NPAS2: variants seen among roughly 807,000 people sequenced by gnomAD.
NPAS2 encodes the protein neuronal PAS domain protein 2.
Under a neutral mutation model 107.5 loss-of-function variants are expected in NPAS2, and 23 were observed. The observed-to-expected ratio is 0.21, with a 90% CI of 0.15 to 0.30. The LOEUF is 0.30. Ranked by LOEUF, NPAS2 falls within the 10% of genes least tolerant of loss-of-function variation. NPAS2 has a pLI of 1.00. For synonymous variants in NPAS2, 403 were observed against 417.5 expected (o/e 0.97, Z 0.42); for missense variants, 756 against 1,043.3 (o/e 0.72, Z 3.79).
At chr2:100,837,013 C>T (rs1182588162) in intron 1 of NPAS2, among the ~76,000 whole-genome samples, 1 of 152,126 alleles carries the variant, frequency 6.6e-6, no homozygotes, top group Admixed American at 6.6e-5. Flanking sequence ...GGTGGCCACA[C>T]TCACATTGCT....
intron 1 of NPAS2, among the ~76,000 whole-genome samples, chr2:100,842,109 A>ACACACACACACACACACT (rs1558798546): frequency 6.6e-6 from 1 of 151,118 alleles, no homozygotes; most frequent in South Asian, 2.1e-4. Context: ...ACACACACAC[A>ACACACACACACACACACT]CTTAAGCCCC....
intron 2 of NPAS2, among the ~76,000 whole-genome samples, chr2:100,917,158 G>T (rs1682933941): frequency 6.6e-6 from 1 of 152,110 alleles, no homozygotes; most frequent in African/African-American, 2.4e-5. Flanking sequence ...ATGGAAATTA[G>T]ATATAAACAC....
chr2:100,935,120 C>T (rs986083981), intron 4 of NPAS2: 4 of 982,874 alleles, frequency 4.1e-6, no homozygotes, highest in Non-Finnish European at 4.8e-6. Flanking sequence ...TGGCTGCAGA[C>T]CAGCCAAGCT....
chr2:100,842,006 A>C (rs1325316133), intron 1 of NPAS2, among the ~76,000 whole-genome samples: 1 of 152,180 alleles, frequency 6.6e-6, no homozygotes, highest in Non-Finnish European at 1.5e-5. Flanking sequence ...CACACAGTAC[A>C]CATATACACA....
At chr2:100,879,702 T>C (rs1680213802) in intron 1 of NPAS2, among the ~76,000 whole-genome samples, 1 of 152,246 alleles carries the variant, frequency 6.6e-6, no homozygotes, top group Non-Finnish European at 1.5e-5. Context: ...CAGTGCTCAC[T>C]GTGGCCAGGC....
chr2:100,835,583 C>T (rs148858568), intron 1 of NPAS2, among the ~76,000 whole-genome samples: 249 of 152,272 alleles, frequency 1.6e-3, no homozygotes, highest in Admixed American at 5.9e-3. Context: ...CTTTTAGTAG[C>T]GATCCAGCTT....
chr2:100,849,704 G>A (rs1678024673), intron 1 of NPAS2, among the ~76,000 whole-genome samples: 1 of 152,160 alleles, frequency 6.6e-6, no homozygotes, highest in East Asian at 1.9e-4. Context: ...GAAGGTTTCA[G>A]GTGCCAGCAG....
chr2:100,849,591 C>T (rs1339843658), intron 1 of NPAS2, among the ~76,000 whole-genome samples: 1 of 152,220 alleles, frequency 6.6e-6, no homozygotes, highest in Admixed American at 6.5e-5. Context: ...AAATGATAGG[C>T]ATGACTTCTA....
intron 1 of NPAS2, among the ~76,000 whole-genome samples, chr2:100,861,130 G>C (rs1678917895): frequency 6.6e-6 from 1 of 151,704 alleles, no homozygotes; most frequent in Non-Finnish European, 1.5e-5. Flanking sequence ...GCCTCCCAAA[G>C]CACTGGGATT....
At chr2:100,936,058 CA>C (rs1426739123) in intron 4 of NPAS2, among the ~76,000 whole-genome samples, 3 of 152,166 alleles carry the variant, frequency 2.0e-5, no homozygotes, top group African/African-American at 7.2e-5. Context: ...TGATGTCATC[CA>C]AGAGGACGAG....
intron 1 of NPAS2, among the ~76,000 whole-genome samples, chr2:100,873,920 G>A (rs1046875585): frequency 4.6e-5 from 7 of 152,174 alleles, no homozygotes; most frequent in Non-Finnish European, 1.5e-5. Flanking sequence ...TGAAAAATAA[G>A]AGGGGCTTCT....
intron 14 of NPAS2, 93 bp from the exon 15 acceptor site, chr2:100,977,617 C>A: frequency 1.9e-6 from 2 of 1,058,448 alleles, no homozygotes; most frequent in Non-Finnish European, 2.9e-6. Context: ...CACCCCAGTG[C>A]GGAACGCAGA....
chr2:100,977,599 G>C (rs1677101781), intron 14 of NPAS2, 111 bp from the exon 15 acceptor site: 1 of 854,108 alleles, frequency 1.2e-6, no homozygotes, highest in African/African-American at 1.7e-5. Flanking sequence ...TCTTGACTTG[G>C]AGCTGTTCAC....
At chr2:100,951,876 G>C (rs541410025) in intron 7 of NPAS2, among the ~76,000 whole-genome samples, 1 of 152,090 alleles carries the variant, frequency 6.6e-6, no homozygotes, top group Non-Finnish European at 1.5e-5. Context: ...ATGGCCAGGC[G>C]CGGTGGCTCA....
chr2:100,890,855 G>C (rs913980712), intron 1 of NPAS2, among the ~76,000 whole-genome samples: 3 of 152,156 alleles, frequency 2.0e-5, no homozygotes, highest in African/African-American at 7.2e-5. Flanking sequence ...GGCCTTGGCT[G>C]AGTCAGCAGG....
chr2:100,862,820 T>C (rs1679026451), intron 1 of NPAS2, among the ~76,000 whole-genome samples: 1 of 152,194 alleles, frequency 6.6e-6, no homozygotes, highest in African/African-American at 2.4e-5. Context: ...CGGGAGTTGC[T>C]CTTGTACGCC....
Position 100,988,792 on chromosome 2 carries a change from C to A in NPAS2, c.1827+516C>A, listed in dbSNP as rs926595078. The A allele has an allele frequency of 1.1e-5, 3 of 262,818 alleles. No homozygotes were observed. In the Admixed American group the frequency reaches 1.8e-4, roughly 15 times the overall value. 16.3% of individuals were successfully genotyped at this position (262,818 alleles called of 1,614,324 possible). ...CCAGGTCTCCCTGCTCCTCCAGGCC[C>A]CCATTGCTCCTCCAGGTCTCCCTGC... On this transcript the variant is annotated intron_variant, in intron 17 of 20. Coordinates refer to ENST00000335681, the MANE Select transcript of NPAS2 (RefSeq NM_002518.4).
intron 5 of NPAS2, among the ~76,000 whole-genome samples, chr2:100,943,476 C>T (rs1178947296): frequency 6.6e-6 from 1 of 152,232 alleles, no homozygotes; most frequent in Non-Finnish European, 1.5e-5. Context: ...TCATTCATCC[C>T]ACCCTAGGGT....
intron 7 of NPAS2, among the ~76,000 whole-genome samples, chr2:100,959,040 C>G (rs1675748961): frequency 6.8e-6 from 1 of 146,226 alleles, no homozygotes; most frequent in Non-Finnish European, 1.5e-5. Context: ...ATAATTTGAG[C>G]TCAGGAGTTT....
Sources: allele counts gnomAD v4.1 joint callset (sites outside exome capture counted in the v4.1 genomes callset), GRCh38; gene constraint gnomAD v4.1.1; transcripts MANE v1.5; gene names NCBI Gene and HGNC (gene_info 2026-07-23, HGNC 2026-07-21).